The following ATRNL1 variants were observed in gnomAD, a reference collection of about 807,000 sequenced individuals.
ATRNL1 encodes attractin-like protein 1.
ATRNL1 carries 95 observed loss-of-function variants against 182.7 expected under a neutral mutation model. The observed-to-expected ratio is 0.52, with a 90% CI of 0.44 to 0.62. The LOEUF (loss-of-function observed/expected upper bound fraction) is 0.62, where lower values mean the gene tolerates loss of function less well. ATRNL1 is among the 20% of genes least tolerant of loss of function. The pLI, the probability that ATRNL1 is intolerant of heterozygous loss-of-function variation, is 0.00. For missense variants in ATRNL1, 1,471 were observed against 1,679.5 expected (o/e 0.88, Z 2.17); for synonymous variants, 576 against 568.3 (o/e 1.01, Z -0.19).
At chr10:115,885,592 ACCC>A (rs1951925247) in intron 28 of ATRNL1, among the ~76,000 whole-genome samples, 1 of 152,192 alleles carries the variant, frequency 6.6e-6, no homozygotes, top group Admixed American at 6.5e-5. Flanking sequence ...AATATTGAAA[ACCC>A]ACAGAAGAAA....
chr10:115,180,618 C>A (rs1847712885), intron 8 of ATRNL1, among the ~76,000 whole-genome samples: 1 of 151,812 alleles, frequency 6.6e-6, no homozygotes, highest in Non-Finnish European at 1.5e-5. Flanking sequence ...AAATATCTTA[C>A]AAGGGCAAGA....
At chr10:115,779,913 G>C (rs192447211) in intron 27 of ATRNL1, among the ~76,000 whole-genome samples, 10 of 152,306 alleles carry the variant, frequency 6.6e-5, no homozygotes, top group African/African-American at 2.2e-4. Flanking sequence ...GGCAAAGCAA[G>C]ATGGCCATTG....
chr10:115,490,735 T>C (rs1554976378), intron 24 of ATRNL1, among the ~76,000 whole-genome samples: 1 of 152,154 alleles, frequency 6.6e-6, no homozygotes, highest in Non-Finnish European at 1.5e-5. Context: ...TCTGTCAGTT[T>C]GTCAAACTCA....
At position 115,364,745 on chromosome 10, in the gene ATRNL1, G is replaced by A. The variant is rs187556879; in HGVS notation, c.3176-29914G>A. 8.1e-3 allele frequency among the ~76,000 whole-genome samples: 1,225 copies of A among 151,930 alleles called. 37 individuals are homozygous for A. Among genetic ancestry groups the A allele is most frequent in the African/African-American group, 0.029 (1,178 of 41,294 alleles). On this transcript the variant is annotated intron_variant, in intron 19 of 28. Transcript: ENST00000355044. The stretch of plus-strand genomic sequence containing the variant: ...TTATCATGAAGGGTTGTTGAATTTT[G>A]TCAAAGGCTTTTTCTGCATCTATTG...
At chr10:115,875,725 A>G (rs1389511801) in intron 28 of ATRNL1, among the ~76,000 whole-genome samples, 2 of 152,246 alleles carry the variant, frequency 1.3e-5, no homozygotes, top group Non-Finnish European at 2.9e-5. Context: ...GTATGTTCCC[A>G]GCCCTTATAG....
intron 28 of ATRNL1, among the ~76,000 whole-genome samples, chr10:115,899,525 C>T (rs1952298061): frequency 6.6e-6 from 1 of 152,156 alleles, no homozygotes; most frequent in African/African-American, 2.4e-5. Flanking sequence ...CCAGGCTGGT[C>T]TCAAACTCCC....
chr10:115,142,294 G>A (rs182383666), intron 5 of ATRNL1, among the ~76,000 whole-genome samples: 265 of 152,240 alleles, frequency 1.7e-3, no homozygotes, highest in African/African-American at 5.9e-3. Context: ...TAGATATCTA[G>A]GGGAAGAACA....
intron 24 of ATRNL1, among the ~76,000 whole-genome samples, chr10:115,492,125 G>C (rs928315122): frequency 2.6e-4 from 40 of 152,158 alleles, no homozygotes; most frequent in African/African-American, 9.7e-4. Flanking sequence ...TGGAAATACA[G>C]ACATCACTCA....
At chr10:115,134,300 A>G (rs759579908) in intron 5 of ATRNL1, among the ~76,000 whole-genome samples, 46 of 152,232 alleles carry the variant, frequency 3.0e-4, no homozygotes, top group Non-Finnish European at 4.6e-4. Flanking sequence ...CAAGACTAAT[A>G]AAGAAGAAAA....
intron 21 of ATRNL1, among the ~76,000 whole-genome samples, chr10:115,453,631 G>C (rs1296557160): frequency 6.6e-6 from 1 of 151,986 alleles, no homozygotes; most frequent in Non-Finnish European, 1.5e-5. Context: ...AAAATGATGA[G>C]TTCATGTCCT....
At chr10:115,636,320 C>G (rs1260676148) in intron 26 of ATRNL1, among the ~76,000 whole-genome samples, 1 of 152,096 alleles carries the variant, frequency 6.6e-6, no homozygotes, top group Non-Finnish European at 1.5e-5. Flanking sequence ...CACCACATCC[C>G]TATCTCACAG....
intron 25 of ATRNL1, among the ~76,000 whole-genome samples, chr10:115,526,121 G>A (rs1429625254): frequency 1.3e-5 from 2 of 152,112 alleles, no homozygotes; most frequent in Non-Finnish European, 2.9e-5. Flanking sequence ...GAAGCGGTTG[G>A]TAAAACCAAC....
At chr10:115,780,211 G>C (rs1231947668) in intron 27 of ATRNL1, among the ~76,000 whole-genome samples, 1 of 152,154 alleles carries the variant, frequency 6.6e-6, no homozygotes, top group Non-Finnish European at 1.5e-5. Flanking sequence ...TCTGCCACAG[G>C]ATACAGCAAA....
At chr10:115,259,719 A>T (rs1361205706) in intron 10 of ATRNL1, among the ~76,000 whole-genome samples, 1 of 152,144 alleles carries the variant, frequency 6.6e-6, no homozygotes, top group East Asian at 1.9e-4. Context: ...GGAGCTGCAG[A>T]CTGGAGCTGT....
chr10:115,117,031 AAT>A (rs1487882576), intron 1 of ATRNL1, among the ~76,000 whole-genome samples: 6 of 152,022 alleles, frequency 3.9e-5, no homozygotes, highest in African/African-American at 1.4e-4. Flanking sequence ...TAGCTCCTAC[AAT>A]ATATGTTTCT....
intron 17 of ATRNL1, among the ~76,000 whole-genome samples, chr10:115,303,357 T>C (rs1853579107): frequency 6.6e-6 from 1 of 151,634 alleles, no homozygotes; most frequent in Non-Finnish European, 1.5e-5. Context: ...CCCAAGTAGC[T>C]GGGACTACAG....
intron 1 of ATRNL1, among the ~76,000 whole-genome samples, chr10:115,109,030 G>A (rs1488372204): frequency 1.3e-5 from 2 of 151,972 alleles, no homozygotes; most frequent in Non-Finnish European, 2.9e-5. Context: ...CCACATTTCT[G>A]CCAATATTCT....
chr10:115,277,950 A>G (rs868926105), intron 13 of ATRNL1, among the ~76,000 whole-genome samples: 14 of 152,324 alleles, frequency 9.2e-5, no homozygotes, highest in Middle Eastern at 6.8e-3. Context: ...AGAAATCTCA[A>G]TCAACCAGAA....
At chr10:115,364,654 G>T (rs1856930259) in intron 19 of ATRNL1, among the ~76,000 whole-genome samples, 1 of 150,958 alleles carries the variant, frequency 6.6e-6, no homozygotes, top group African/African-American at 2.5e-5. Context: ...TTGGCTGTGG[G>T]TTTGTCATAG....
Sources: allele counts gnomAD v4.1 joint callset (sites outside exome capture counted in the v4.1 genomes callset), GRCh38; gene constraint gnomAD v4.1.1; transcripts MANE v1.5; gene names NCBI Gene and HGNC (gene_info 2026-07-23, HGNC 2026-07-21).